The following RPS6KA2 variants were observed in gnomAD, a reference collection of about 807,000 sequenced individuals.
RPS6KA2 encodes the protein ribosomal protein S6 kinase A2, also known as ribosomal protein S6 kinase alpha-2.
In RPS6KA2, 42 loss-of-function variants were observed where a neutral mutation model predicts 91.8. The observed-to-expected ratio is 0.46, with a 90% CI of 0.36 to 0.59. The LOEUF (loss-of-function observed/expected upper bound fraction) is 0.59, where lower values mean the gene tolerates loss of function less well. RPS6KA2 is among the 20% of genes least tolerant of loss of function. The probability of loss-of-function intolerance (pLI) is 0.00; values close to 1 mark genes in which losing one functional copy is unlikely to be tolerated. For synonymous variants in RPS6KA2, 414 were observed against 393.6 expected (o/e 1.05, Z -0.61); for missense variants, 798 against 978.5 (o/e 0.82, Z 2.46).
intron 2 of RPS6KA2, among the ~76,000 whole-genome samples, chr6:166,714,121 G>A (rs765091601): frequency 7.2e-5 from 11 of 152,178 alleles, no homozygotes; most frequent in East Asian, 1.9e-4. Context: ...CTGTGACTTC[G>A]AGCCTAATCC....
In RPS6KA2 at chr6:166,445,809, G is replaced by A. The variant is rs4709114; in HGVS notation, c.1332+2915C>T. On this transcript the variant is annotated intron_variant, in intron 14 of 20. Transcript: ENST00000265678. The surrounding 1 kb of genome is among the most constrained non-coding windows in gnomAD (Gnocchi z 4.5). Reference sequence around the variant, plus strand: ...GCCAGGGGTAGGTGGGATCGTATACGGCTCAAGCGGCAACTGGGAGTGGTA... The same window carrying A: ...GCCAGGGGTAGGTGGGATCGTATACAGCTCAAGCGGCAACTGGGAGTGGTA... 0.018 allele frequency among the ~76,000 whole-genome samples: 2,778 copies of A among 152,286 alleles called. 63 individuals are homozygous for A. Among genetic ancestry groups the A allele is most frequent in the East Asian group, 0.077 (398 of 5,170 alleles).
rs532206107 is a variant in RPS6KA2, at chr6:166,718,023, AT to A, written c.123+140176del. On this transcript the variant is annotated intron_variant, in intron 2 of 21. Coordinates refer to the RPS6KA2 transcript ENST00000503859. Reference sequence around the variant, plus strand: ...GCTACCACGCCCAGCTAATTTTTGTATTTTTAGTAGAGACAGGTTTTGCCAT... The same window carrying A: ...GCTACCACGCCCAGCTAATTTTTGTATTTTAGTAGAGACAGGTTTTGCCAT... Among the ~76,000 whole-genome samples, 7 of 151,962 alleles carry A rather than the reference AT, an allele frequency of 4.6e-5. No homozygotes were observed. In the South Asian group the frequency reaches 1.5e-3, roughly 32 times the overall value.
At chr6:166,594,221 T>C (rs1402272023) in intron 1 of RPS6KA2, among the ~76,000 whole-genome samples, 1 of 152,206 alleles carries the variant, frequency 6.6e-6, no homozygotes, top group East Asian at 1.9e-4. Flanking sequence ...TTCTAGAAGG[T>C]GATTCAAATT....
intron 2 of RPS6KA2, among the ~76,000 whole-genome samples, chr6:166,697,827 C>T (rs567558263): frequency 2.6e-5 from 4 of 152,312 alleles, no homozygotes; most frequent in Admixed American, 6.5e-5. Context: ...GATGGATGGC[C>T]GTTCCCTCGA....
At chr6:166,529,567 T>C (rs1783193842) in intron 3 of RPS6KA2, among the ~76,000 whole-genome samples, 1 of 151,856 alleles carries the variant, frequency 6.6e-6, no homozygotes, top group Admixed American at 6.6e-5. Context: ...ACTTAAAGCA[T>C]TAAAAAAAAA....
rs752233718 is a variant in RPS6KA2, at chr6:166,510,343, T to G, written c.313A>C (p.Arg105=). The part of the protein sequence containing the change: ...KATLKVRDRV[R]SKMERDILAE... ...AAGATGTCTCTCTCCATCTTCGATCTCACTCGGTCCCGAACTGCAAAGTAA... is the reference window on the plus strand; with the variant it reads ...AAGATGTCTCTCTCCATCTTCGATCGCACTCGGTCCCGAACTGCAAAGTAA... Residue 105 remains arginine (R), a synonymous_variant, in exon 4 of 21, where the codon AGA becomes CGA. Coordinates refer to ENST00000265678, the MANE Select transcript of RPS6KA2 (RefSeq NM_021135.6). 2.1e-5 allele frequency: 33 copies of G among 1,599,744 alleles called. No individual in the cohort carries two copies. Among genetic ancestry groups the G allele is most frequent in the South Asian group, 5.6e-5 (5 of 89,360 alleles).
In RPS6KA2 at chr6:166,526,341, CTTTT is replaced by C. The variant is rs10616497; in HGVS notation, c.298+4887_298+4890del. ...TTTCTATTCTTCTATGTTTATATGG[CTTTT>C]TTTTTTTTTTTTTTTTTTTGGACAG... On this transcript the variant is annotated intron_variant, in intron 3 of 20. Transcript: ENST00000265678. Among the ~76,000 whole-genome samples the C allele has an allele frequency of 4.3e-3, 438 of 101,812 alleles. 1 individual carries two copies. The highest frequency in any genetic ancestry group is 0.015 in the African/African-American group (396 of 26,236). The allele number at this position is 101,812 out of a possible 152,430, so 66.8% of individuals were successfully genotyped here.
chr6:166,664,408 T>G (rs1788258157), intron 2 of RPS6KA2, among the ~76,000 whole-genome samples: 1 of 152,236 alleles, frequency 6.6e-6, no homozygotes, highest in South Asian at 2.1e-4. Context: ...GAGGCGCATT[T>G]TCTTGGAACC....
intron 1 of RPS6KA2, among the ~76,000 whole-genome samples, chr6:166,543,601 C>T (rs1420808115): frequency 6.6e-6 from 1 of 152,228 alleles, no homozygotes; most frequent in African/African-American, 2.4e-5. Context: ...CTCCCACCTC[C>T]CCCTCTTTCT....
Position 166,430,449 on chromosome 6 carries a change from C to A in RPS6KA2, c.1581+4G>T. On this transcript the variant is annotated splice_donor_region_variant and intron_variant, in intron 16 of 20. Transcript: ENST00000265678. ...CCGAAGGCTGCCCCAGGCATGGCTCCTACCCCCTGGGAATGGAGGTAGTCC... is the reference window on the plus strand; with the variant it reads ...CCGAAGGCTGCCCCAGGCATGGCTCATACCCCCTGGGAATGGAGGTAGTCC... 6.2e-7 allele frequency: 1 copy of A among 1,609,932 alleles called. No individual in the cohort carries two copies. The highest frequency in any genetic ancestry group is 8.5e-7 in the Non-Finnish European group (1 of 1,177,494).
chr6:166,485,502 T>C (rs1038225722), intron 10 of RPS6KA2, among the ~76,000 whole-genome samples: 1 of 151,668 alleles, frequency 6.6e-6, no homozygotes, highest in East Asian at 1.9e-4. Context: ...ACATTGCTCT[T>C]AGGGCTGACG....
intron 12 of RPS6KA2, among the ~76,000 whole-genome samples, chr6:166,451,643 T>C (rs2072828): frequency 0.35 from 52,625 of 152,062 alleles, 9,223 homozygotes; most frequent in Admixed American, 0.44. Context: ...ACATGAATCC[T>C]GTATCCTTAG....
At chr6:166,725,123 G>C (rs993066967) in intron 2 of RPS6KA2, among the ~76,000 whole-genome samples, 16 of 152,074 alleles carry the variant, frequency 1.1e-4, no homozygotes, top group Non-Finnish European at 2.2e-4. Context: ...TATTCAAATA[G>C]ACTTTTTCTA....
At chr6:166,820,101 C>T (rs35344086) in intron 2 of RPS6KA2, among the ~76,000 whole-genome samples, 94,451 of 151,264 alleles carry the variant, frequency 0.62, 30,863 homozygotes, top group Non-Finnish European at 0.73. Context: ...AAGGTGCTTG[C>T]CATGGGCTAT....
chr6:166,500,814 G>T lies in RPS6KA2; in HGVS notation c.604+73C>A. The T allele has an allele frequency of 1.4e-6, 2 of 1,382,396 alleles. No homozygotes were observed. Among genetic ancestry groups the T allele is most frequent in the East Asian group, 2.3e-5 (1 of 43,806 alleles). 85.6% of individuals were successfully genotyped at this position (1,382,396 alleles called of 1,614,324 possible). On this transcript the variant is annotated intron_variant, in intron 7 of 20. Transcript: ENST00000265678. The surrounding 1 kb of genome is among the most constrained non-coding windows in gnomAD (Gnocchi z 4.3). ...AGGGCGGTGTAAATAAGAGGGCTTG[G>T]GCTTTGAGGTGGTCCCCAAAGGTAC... is the stretch of plus-strand genomic sequence containing the variant.
At chr6:166,616,802 G>A (rs867006504) in intron 1 of RPS6KA2, among the ~76,000 whole-genome samples, 4 of 152,346 alleles carry the variant, frequency 2.6e-5, no homozygotes, top group African/African-American at 9.6e-5. Flanking sequence ...GGGGCAGTGA[G>A]CCCACTGTGG....
upstream of RPS6KA2, among the ~76,000 whole-genome samples, chr6:166,630,254 C>T (rs1486401644): frequency 6.6e-6 from 1 of 152,226 alleles, no homozygotes; most frequent in East Asian, 1.9e-4. Context: ...TGGGAAGATG[C>T]CACATTCTCG....
rs1779801972 is a variant in RPS6KA2, at chr6:166,817,647, A to T, written c.123+40553T>A. Among the ~76,000 whole-genome samples, 2 of 152,154 alleles carry T rather than the reference A, an allele frequency of 1.3e-5. 1 individual carries two copies. Among genetic ancestry groups the T allele is most frequent in the South Asian group, 4.2e-4 (2 of 4,816 alleles). ...TTCACTCTGGTTCCCCAGTTGTTAC[A>T]ATTGTGCATTATTTTTTATCTTTCT... On this transcript the variant is annotated intron_variant, in intron 2 of 21. Transcript: ENST00000503859.
At chr6:166,744,840 G>A (rs1307048416) in intron 2 of RPS6KA2, among the ~76,000 whole-genome samples, 1 of 152,128 alleles carries the variant, frequency 6.6e-6, no homozygotes, top group Non-Finnish European at 1.5e-5. Flanking sequence ...TCAGTACTGG[G>A]CCCTCCCTTC....
Sources: gnomAD v4.1 joint callset for allele counts (sites outside exome capture counted in the v4.1 genomes callset) on GRCh38, gnomAD v4.1.1 for gene constraint, Gnocchi (gnomAD v3.1) non-coding constraint, MANE v1.5 for transcripts, NCBI Gene and HGNC (gene_info 2026-07-23, HGNC 2026-07-21) for gene names.